The following WAC variants were observed in gnomAD, a reference collection of about 807,000 sequenced individuals.
The protein encoded by WAC is WW domain-containing adapter protein with coiled-coil.
In WAC, 11 loss-of-function variants were observed where a neutral mutation model predicts 79.6. That is an observed-to-expected ratio of 0.14 (90% CI 0.09 to 0.23). The LOEUF (loss-of-function observed/expected upper bound fraction) is 0.23, where lower values mean the gene tolerates loss of function less well. Ranked by LOEUF, WAC falls within the 10% of genes least tolerant of loss-of-function variation. The pLI, the probability that WAC is intolerant of heterozygous loss-of-function variation, is 1.00. For synonymous variants in WAC, 304 were observed against 276.9 expected, an observed-to-expected ratio of 1.10 and a Z score of -0.97; for missense variants, 728 against 773.5, an observed-to-expected ratio of 0.94 and a Z score of 0.70.
intron 7 of WAC, among the ~76,000 whole-genome samples, chr10:28,604,314 A>G (rs1840822289): frequency 6.6e-6 from 1 of 151,776 alleles, no homozygotes; most frequent in Admixed American, 6.6e-5. Flanking sequence ...TTAAATGCGA[A>G]TGCATGTGTA....
intron 11 of WAC, chr10:28,614,971 C>T: frequency 4.5e-6 from 1 of 222,604 alleles, no homozygotes; most frequent in Non-Finnish European, 8.8e-6. Context: ...CAGAAAGGCA[C>T]ACGATTTTAC....
rs961721042 is a variant in WAC at position 28,533,160 on chromosome 10, A to AGCGGCGGCGGCGGCGGCGGCACCAGCG, written c.-401_-400insCACCAGCGGCGGCGGCGGCGGCGGCGG. 6.7e-6 allele frequency among the ~76,000 whole-genome samples: 1 copy of AGCGGCGGCGGCGGCGGCGGCACCAGCG among 149,432 alleles called. No homozygotes were observed. The highest frequency in any genetic ancestry group is 1.5e-5 in the Non-Finnish European group (1 of 66,654). ...TTGGTGGAGCGGCAGCGGCGGCACC[A>AGCGGCGGCGGCGGCGGCGGCACCAGCG]GCGGCGGCGGCGGCGGCGGGAGGAG... On this transcript the variant is annotated 5_prime_UTR_variant, in exon 1 of 14. Transcript: ENST00000354911.
chr10:28,566,063 C>T (rs17389180), intron 3 of WAC, among the ~76,000 whole-genome samples: 34,231 of 152,076 alleles, frequency 0.23, 4,685 homozygotes, highest in Non-Finnish European at 0.28. Context: ...AGGCTACTTA[C>T]TCTGCCTTAG....
chr10:28,574,816 A>C (rs1190477308), intron 3 of WAC, among the ~76,000 whole-genome samples: 1 of 152,082 alleles, frequency 6.6e-6, no homozygotes, highest in Non-Finnish European at 1.5e-5. Context: ...ATATGTACCT[A>C]GGCGTGGGAT....
chr10:28,616,149 T>G (rs146640971), intron 11 of WAC, 24 bp from the exon 12 acceptor site: 10 of 1,553,470 alleles, frequency 6.4e-6, no homozygotes, highest in Non-Finnish European at 7.9e-6. Context: ...TTAAACATAC[T>G]ACACATTCAA....
chr10:28,570,946 C>CTTTTTTT (rs139500035), intron 3 of WAC, among the ~76,000 whole-genome samples: 6 of 64,540 alleles, frequency 9.3e-5, no homozygotes, highest in Non-Finnish European at 1.4e-4. Flanking sequence ...TAAAGATATA[C>CTTTTTTT]TTTTTTTTTT....
chr10:28,548,087 AT>A (rs958390902), intron 3 of WAC, among the ~76,000 whole-genome samples: 1 of 150,250 alleles, frequency 6.7e-6, no homozygotes. Context: ...TGCCTGGCTA[AT>A]TTTTTTTTAT....
intron 3 of WAC, among the ~76,000 whole-genome samples, chr10:28,569,887 C>G (rs1838851183): frequency 6.6e-6 from 1 of 152,282 alleles, no homozygotes. Flanking sequence ...TATGTACTTT[C>G]CCTTGAATAA....
chr10:28,600,868 C>T (rs1840608798), intron 7 of WAC, among the ~76,000 whole-genome samples: 1 of 151,618 alleles, frequency 6.6e-6, no homozygotes, highest in African/African-American at 2.4e-5. Context: ...ATGAAAAAGA[C>T]AATCCAATAG....
chr10:28,564,115 A>C (rs1838465307), intron 3 of WAC, among the ~76,000 whole-genome samples: 1 of 152,126 alleles, frequency 6.6e-6, no homozygotes, highest in African/African-American at 2.4e-5. Flanking sequence ...AAATACAAAA[A>C]TGAGCCAGGC....
intron 3 of WAC, among the ~76,000 whole-genome samples, chr10:28,536,718 A>G (rs891501703): frequency 6.6e-6 from 1 of 152,228 alleles, no homozygotes; most frequent in Non-Finnish European, 1.5e-5. Context: ...GAATAAGTAA[A>G]CAAAACCAAT....
Position 28,608,396 on chromosome 10 carries a change from A to G in WAC, c.1130A>G (p.Asn377Ser). 2 of 1,610,358 alleles carry G rather than the reference A, an allele frequency of 1.2e-6. No homozygotes were observed. Among genetic ancestry groups the G allele is most frequent in the Non-Finnish European group, 1.7e-6 (2 of 1,177,914 alleles). The part of the protein sequence containing the change: ...LPALQATLQL[N>S]NSNVDISKIN... ...GCTTTGCAAGCCACGCTGCAGCTTAATAATTCTAATGTGGACATATCTAAA... is the reference window on the plus strand; with the variant it reads ...GCTTTGCAAGCCACGCTGCAGCTTAGTAATTCTAATGTGGACATATCTAAA... The change falls in exon 8 of 14, where the codon AAT becomes AGT. Residue 377 changes from asparagine to serine, a missense_variant. Physicochemically the swap from Asn to Ser is conservative, Grantham distance 46. Transcript: ENST00000354911.
chr10:28,619,444 G>C, intron 13 of WAC, 93 bp from the exon 14 acceptor site: 2 of 940,690 alleles, frequency 2.1e-6, no homozygotes, highest in Non-Finnish European at 3.1e-6. Context: ...GAAATCACTT[G>C]TTTTAATTTA....
intron 3 of WAC, among the ~76,000 whole-genome samples, chr10:28,548,117 T>G (rs2132401863): frequency 6.6e-6 from 1 of 151,966 alleles, no homozygotes; most frequent in South Asian, 2.1e-4. Flanking sequence ...GAAACAGGGT[T>G]TTACCATGTT....
Position 28,589,847 on chromosome 10 carries a change from G to C in WAC, c.493G>C (p.Glu165Gln). ...SQWEKPKEWL[E>Q]REQRQKEANK... ...ATGGGAAAAACCAAAAGAGTGGCTT[G>C]AAAGGTAATTAGCTTTTAATCTAAT... Residue 165 changes from glutamate to glutamine, a missense_variant, in exon 5 of 14, where the codon GAA becomes CAA. Coordinates refer to ENST00000354911, the MANE Select transcript of WAC (RefSeq NM_016628.5). 2 of 1,599,948 alleles carry C rather than the reference G, an allele frequency of 1.3e-6. No homozygotes were observed. The highest frequency in any genetic ancestry group is 8.6e-7 in the Non-Finnish European group (1 of 1,168,124).
rs951089343 is a variant in WAC, at chr10:28,611,779, C to T, written c.1294C>T (p.Pro432Ser). 1 of 1,610,230 alleles carries T rather than the reference C, an allele frequency of 6.2e-7. No individual in the cohort carries two copies. The highest frequency in any genetic ancestry group is 8.5e-7 in the Non-Finnish European group (1 of 1,179,102). Residue 432 changes from proline to serine, a missense_variant, in exon 10 of 14, where the codon CCA becomes TCA. By Grantham distance (74) the Pro-to-Ser change is moderately conservative. This residue lies in a region of WAC where 648 missense variants were observed against 661.5 expected (regional missense o/e 0.98). Coordinates refer to ENST00000354911, the MANE Select transcript of WAC (RefSeq NM_016628.5). ...ATTGCTTCCCTCTTTTACAGCCCAGCCATCTAATCAGTCTCCGATGTCTTT... is the reference window on the plus strand; with the variant it reads ...ATTGCTTCCCTCTTTTACAGCCCAGTCATCTAATCAGTCTCCGATGTCTTT... Reference protein sequence around the residue: ...QAAQLSTQAQPSNQSPMSLTS... With the variant: ...QAAQLSTQAQSSNQSPMSLTS...
At chr10:28,603,092 C>T (rs1394098644) in intron 7 of WAC, among the ~76,000 whole-genome samples, 2 of 152,100 alleles carry the variant, frequency 1.3e-5, no homozygotes, top group African/African-American at 2.4e-5. Context: ...GAGCTAAAAC[C>T]AGATATTATT....
chr10:28,574,234 G>A (rs1382740406), intron 3 of WAC, among the ~76,000 whole-genome samples: 4 of 151,774 alleles, frequency 2.6e-5, no homozygotes, highest in Middle Eastern at 3.4e-3. Context: ...TACAACCTCC[G>A]CCTCCCAGGT....
chr10:28,613,371 C>A (rs1281478401), intron 10 of WAC, among the ~76,000 whole-genome samples: 1 of 152,036 alleles, frequency 6.6e-6, no homozygotes, highest in African/African-American at 2.4e-5. Context: ...GAAAAACTTT[C>A]TTGGGCATGG....
Sources: allele counts gnomAD v4.1 joint callset (sites outside exome capture counted in the v4.1 genomes callset), GRCh38; gene constraint gnomAD v4.1.1; regional missense constraint gnomAD v4.1.1; transcripts MANE v1.5; gene names NCBI Gene and HGNC (gene_info 2026-07-23, HGNC 2026-07-21).